KDM4B: variants seen among roughly 807,000 people sequenced by gnomAD.
The protein encoded by KDM4B is lysine demethylase 4B, also known as lysine-specific demethylase 4B.
Under a neutral mutation model 125.2 loss-of-function variants are expected in KDM4B, and 32 were observed. That is an observed-to-expected ratio of 0.26 (90% CI 0.19 to 0.34). KDM4B has a LOEUF of 0.34. KDM4B is among the 10% of genes least tolerant of loss of function. KDM4B has a pLI of 1.00. For synonymous variants in KDM4B, 721 were observed against 677.9 expected, an observed-to-expected ratio of 1.06 and a Z score of -0.99; for missense variants, 1,190 against 1,577.7, an observed-to-expected ratio of 0.75 and a Z score of 4.16.
intron 10 of KDM4B, among the ~76,000 whole-genome samples, chr19:5,116,710 G>A (rs939119819): frequency 6.6e-6 from 1 of 152,240 alleles, no homozygotes; most frequent in Non-Finnish European, 1.5e-5. Context: ...CAAAGCAGGA[G>A]GCCAGTTCCA....
chr19:5,071,909 G>A (rs2037960092), intron 7 of KDM4B, among the ~76,000 whole-genome samples: 1 of 152,240 alleles, frequency 6.6e-6, no homozygotes, highest in East Asian at 1.9e-4. Flanking sequence ...ATTCCCAGCT[G>A]CTCAAGAGCT....
chr19:5,028,031 C>T (rs939202396), intron 2 of KDM4B, among the ~76,000 whole-genome samples: 1 of 152,182 alleles, frequency 6.6e-6, no homozygotes, highest in African/African-American at 2.4e-5. Flanking sequence ...GGCTGGAGTG[C>T]AGGGGTGCAG....
chr19:4,998,767 ACT>A (rs1298814436), intron 1 of KDM4B, among the ~76,000 whole-genome samples: 1 of 151,916 alleles, frequency 6.6e-6, no homozygotes, highest in African/African-American at 2.4e-5. Context: ...GGGTTCTCTG[ACT>A]CTGATGTTTT....
intron 6 of KDM4B, 168 bp from the exon 7 acceptor site, chr19:5,070,842 C>G: frequency 3.4e-6 from 2 of 590,172 alleles, no homozygotes; most frequent in Non-Finnish European, 5.9e-6. Context: ...GGATTCCGTC[C>G]TGAAAGCCCC....
chr19:5,093,763 A>T (rs1403786651), intron 9 of KDM4B, among the ~76,000 whole-genome samples: 1 of 152,160 alleles, frequency 6.6e-6, no homozygotes, highest in Non-Finnish European at 1.5e-5. Flanking sequence ...GGCAGTGGTC[A>T]CCGCGCAGGT....
At chr19:5,084,468 A>T (rs562812248) in intron 9 of KDM4B, among the ~76,000 whole-genome samples, 6 of 140,124 alleles carry the variant, frequency 4.3e-5, no homozygotes, top group African/African-American at 1.6e-4. Flanking sequence ...TATATATTAT[A>T]TATAAATATA....
Position 5,131,429 on chromosome 19 carries a change from A to G in KDM4B, c.1669A>G (p.Lys557Glu). 6.2e-7 allele frequency: 1 copy of G among 1,610,142 alleles called. No individual in the cohort carries two copies. The highest frequency in any genetic ancestry group is 8.5e-7 in the Non-Finnish European group (1 of 1,179,380). The change falls in exon 12 of 23, where the codon AAG (lysine) becomes GAG (glutamate). Residue 557 changes from lysine to glutamate, a missense_variant. By Grantham distance (56) the Lys-to-Glu change is moderately conservative (BLOSUM62 1). Transcript: ENST00000159111. ...GCAGGCCTTTGAGCACTTTGCCCAG[A>G]AGGGTCCGACCTGGAAGGAACCAGT... ...CQQAFEHFAQ[K>E]GPTWKEPVSP...
rs147521814 is a variant in KDM4B, at chr19:5,014,852, G to A, written c.-108-1405G>A. On this transcript the variant is annotated intron_variant, in intron 1 of 22. Transcript: ENST00000159111. ...CTACTAAAAATACAAAAAATTAGCC[G>A]GGCATGGTGGCGGGCGCCTGTAGTC... is the stretch of plus-strand genomic sequence containing the variant. Among the ~76,000 whole-genome samples, 294 of 152,074 alleles carry A rather than the reference G, an allele frequency of 1.9e-3. 3 individuals carry two copies. The highest frequency in any genetic ancestry group is 6.9e-3 in the African/African-American group (286 of 41,516).
Position 5,019,579 on chromosome 19 carries a change from C to T in KDM4B, c.-26+3240C>T, listed in dbSNP as rs1462803021. Among the ~76,000 whole-genome samples the T allele has an allele frequency of 3.9e-5, 4 of 103,576 alleles. No homozygotes were observed. The East Asian group carries it at 9.3e-4, about 24-fold the overall frequency. The allele number at this position is 103,576 out of a possible 152,430, so 67.9% of individuals were successfully genotyped here. A position where few individuals can be genotyped will look rare whatever the true frequency, so the allele number is the denominator to read the frequency against. ...AGGTATTGGTGTGGATGTTGGTGTG[C>T]AGGTGTTGGTGTGCGGGTGTTGGTG... On this transcript the variant is annotated intron_variant, in intron 2 of 22. Transcript: ENST00000159111.
At chr19:4,988,005 T>C (rs2034899450) in intron 1 of KDM4B, among the ~76,000 whole-genome samples, 1 of 152,194 alleles carries the variant, frequency 6.6e-6, no homozygotes, top group African/African-American at 2.4e-5. Context: ...GATGTGGTCT[T>C]GGGCCTGAGA....
At chr19:5,092,767 C>T (rs973934513) in intron 9 of KDM4B, among the ~76,000 whole-genome samples, 4 of 152,148 alleles carry the variant, frequency 2.6e-5, no homozygotes, top group Non-Finnish European at 4.4e-5. Context: ...GGAGGGGGCT[C>T]GCAGGGCCTG....
chr19:5,088,675 C>CT (rs1555710941), intron 9 of KDM4B, among the ~76,000 whole-genome samples: 2 of 146,550 alleles, frequency 1.4e-5, no homozygotes, highest in African/African-American at 5.1e-5. Flanking sequence ...TCCCCCCCCC[C>CT]GCAAAAGAGC....
chr19:5,052,681 CG>C (rs1240705695), intron 6 of KDM4B, among the ~76,000 whole-genome samples: 1 of 152,240 alleles, frequency 6.6e-6, no homozygotes, highest in African/African-American at 2.4e-5. Flanking sequence ...GTGGCACTGT[CG>C]GGCCCCACAA....
chr19:4,983,808 G>A (rs1454493236), intron 1 of KDM4B, among the ~76,000 whole-genome samples: 2 of 152,180 alleles, frequency 1.3e-5, no homozygotes, highest in African/African-American at 4.8e-5. Flanking sequence ...GCAGGATTGC[G>A]GGAGGATTCG....
intron 2 of KDM4B, among the ~76,000 whole-genome samples, chr19:5,025,426 C>G (rs963587759): frequency 2.0e-5 from 3 of 152,258 alleles, no homozygotes; most frequent in African/African-American, 7.2e-5. Flanking sequence ...AACTGTGTAT[C>G]TAACTGAGTG....
At chr19:5,133,759 C>T in intron 13 of KDM4B, 124 bp from the exon 14 acceptor site, 2 of 950,752 alleles carry the variant, frequency 2.1e-6, no homozygotes, top group South Asian at 1.6e-5. Flanking sequence ...AGCTATGGGC[C>T]AGGGACCCTG....
chr19:5,030,069 G>GC (rs1448280957), intron 2 of KDM4B, among the ~76,000 whole-genome samples: 1 of 152,172 alleles, frequency 6.6e-6, no homozygotes, highest in Admixed American at 6.5e-5. Flanking sequence ...ACGAGCCCCC[G>GC]CAACCCCACG....
intron 9 of KDM4B, among the ~76,000 whole-genome samples, chr19:5,092,282 G>A (rs1020123970): frequency 6.6e-6 from 1 of 152,144 alleles, no homozygotes; most frequent in African/African-American, 2.4e-5. Flanking sequence ...AGTGCCCCTG[G>A]CCTCCACCCA....
At chr19:5,097,765 G>C (rs2038855527) in intron 9 of KDM4B, among the ~76,000 whole-genome samples, 1 of 152,232 alleles carries the variant, frequency 6.6e-6, no homozygotes, top group South Asian at 2.1e-4. Context: ...CTGGGTACTG[G>C]GTGCAGTGTT....
Sources: allele counts gnomAD v4.1 joint callset (sites outside exome capture counted in the v4.1 genomes callset), GRCh38; gene constraint gnomAD v4.1.1; transcripts MANE v1.5; gene names NCBI Gene and HGNC (gene_info 2026-07-23, HGNC 2026-07-21).